DTD1: variants seen among roughly 807,000 people sequenced by gnomAD.
The protein encoded by DTD1 is D-tyrosyl-tRNA deacylase 1 homolog.
In DTD1, 13 loss-of-function variants were observed where a neutral mutation model predicts 25.6. The ratio of observed to expected loss-of-function variants is 0.51; its 90% CI spans 0.33 to 0.81. The LOEUF is 0.81. Ranked by LOEUF, DTD1 falls within the 30% of genes least tolerant of loss-of-function variation. The pLI is 0.02. For missense variants in DTD1, 193 were observed against 266.4 expected (o/e 0.72, Z 1.92); for synonymous variants, 110 against 103.6 (o/e 1.06, Z -0.37).
intron 4 of DTD1, among the ~76,000 whole-genome samples, chr20:18,707,292 G>GT (rs1162555128): frequency 1.3e-5 from 2 of 152,176 alleles, no homozygotes; most frequent in East Asian, 1.9e-4. Context: ...TCATTTCAAG[G>GT]TTTTTTCCAT....
chr20:18,747,751 G>A (rs562585260), intron 5 of DTD1, among the ~76,000 whole-genome samples: 35 of 151,914 alleles, frequency 2.3e-4, no homozygotes, highest in Non-Finnish European at 5.0e-4. Flanking sequence ...GGTGGCTCAC[G>A]CCTGTAATCC....
rs1338293172 is a variant in DTD1 at position 18,749,920 on chromosome 20, A to G, written c.*19+5649A>G. ...CCACGTTTTGTTTATACCGATGTAT[A>G]TGGTACTGTCTGGGTTTTGGACAAA... On this transcript the variant is annotated intron_variant, in intron 5 of 5. Coordinates refer to ENST00000377452, the MANE Select transcript of DTD1 (RefSeq NM_080820.6). The surrounding 1 kb of genome is among the most constrained non-coding windows in gnomAD (Gnocchi z 4.2). Among the ~76,000 whole-genome samples the G allele has an allele frequency of 1.3e-5, 2 of 152,212 alleles. No homozygotes were observed. The highest frequency in any genetic ancestry group is 4.8e-5 in the African/African-American group (2 of 41,458).
intron 4 of DTD1, among the ~76,000 whole-genome samples, chr20:18,638,942 T>C (rs780931176): frequency 2.0e-5 from 3 of 152,262 alleles, no homozygotes; most frequent in Admixed American, 6.5e-5. Context: ...GGTTCTTTCA[T>C]ACTGTGGCTT....
intron 5 of DTD1, among the ~76,000 whole-genome samples, chr20:18,748,911 G>T (rs534211347): frequency 6.8e-6 from 1 of 147,914 alleles, no homozygotes; most frequent in East Asian, 1.9e-4. Context: ...GACCCCACGG[G>T]AAGTGTTTGG....
intron 4 of DTD1, among the ~76,000 whole-genome samples, chr20:18,654,119 A>G (rs939401849): frequency 3.9e-5 from 6 of 152,198 alleles, no homozygotes; most frequent in Non-Finnish European, 5.9e-5. Flanking sequence ...TGGGTGGATG[A>G]TATGTTTTGG....
At chr20:18,728,299 A>G (rs536007366) in intron 4 of DTD1, among the ~76,000 whole-genome samples, 16 of 152,278 alleles carry the variant, frequency 1.1e-4, no homozygotes, top group African/African-American at 3.6e-4. Context: ...TCAGTGGCAC[A>G]GCAAGACCTG....
rs1286508476 is a variant in DTD1 at position 18,763,471 on chromosome 20, G to A, written c.*131G>A. The A allele has an allele frequency of 5.2e-5, 8 of 152,640 alleles. No homozygotes were observed. Among genetic ancestry groups the A allele is most frequent in the Non-Finnish European group, 7.3e-5 (5 of 68,036 alleles). The allele number at this position is 152,640 out of a possible 1,614,324, so 9.5% of individuals were successfully genotyped here. On this transcript the variant is annotated 3_prime_UTR_variant, in exon 6 of 6. Transcript: ENST00000377452. ...AAGAGGAAGACAGAAATAAGAATTTGGGAACCTGAATAGCTCTGCAAAAAA... is the reference window on the plus strand; with the variant it reads ...AAGAGGAAGACAGAAATAAGAATTTAGGAACCTGAATAGCTCTGCAAAAAA...
In DTD1 at chr20:18,596,306, A is replaced by G; in HGVS notation, c.370+65A>G. 2 of 1,343,336 alleles carry G rather than the reference A, an allele frequency of 1.5e-6. 1 individual carries two copies. Among genetic ancestry groups the G allele is most frequent in the East Asian group, 4.8e-5 (2 of 41,928 alleles). 83.2% of individuals were successfully genotyped at this position (1,343,336 alleles called of 1,614,324 possible). A position where few individuals can be genotyped will look rare whatever the true frequency, so the allele number is the denominator to read the frequency against. ...CACTCCTGGATGGAGAGAAAAAAGA[A>G]GCTGCAACTGCAGCATCTCCTTTTC... On this transcript the variant is annotated intron_variant, in intron 3 of 5. Coordinates refer to ENST00000377452, the MANE Select transcript of DTD1 (RefSeq NM_080820.6).
chr20:18,749,632 C>T lies in DTD1; in HGVS notation c.*19+5361C>T, dbSNP rs1384802339. Among the ~76,000 whole-genome samples, 9 of 152,154 alleles carry T rather than the reference C, an allele frequency of 5.9e-5. No homozygotes were observed. The highest frequency in any genetic ancestry group is 4.1e-4 in the South Asian group (2 of 4,826). On this transcript the variant is annotated intron_variant, in intron 5 of 5. Coordinates refer to ENST00000377452, the MANE Select transcript of DTD1 (RefSeq NM_080820.6). The surrounding 1 kb of genome is among the most constrained non-coding windows in gnomAD (Gnocchi z 4.2). The stretch of plus-strand genomic sequence containing the variant: ...TGAGATATGCTGGTGAGAACTGAGA[C>T]GAGGCCAGGTCAGCCAGAGAGGGCC...
intron 3 of DTD1, among the ~76,000 whole-genome samples, chr20:18,607,344 A>G (rs2060664178): frequency 6.6e-6 from 1 of 152,104 alleles, no homozygotes; most frequent in Non-Finnish European, 1.5e-5. Context: ...TATTTTTAAT[A>G]GAGACGGGGT....
At chr20:18,667,687 A>G (rs2060937025) in intron 4 of DTD1, among the ~76,000 whole-genome samples, 1 of 152,170 alleles carries the variant, frequency 6.6e-6, no homozygotes, top group South Asian at 2.1e-4. Context: ...CGTCTGCCTT[A>G]TGAACTGACC....
intron 4 of DTD1, among the ~76,000 whole-genome samples, chr20:18,685,506 A>G (rs1360119837): frequency 6.6e-6 from 1 of 152,142 alleles, no homozygotes; most frequent in Non-Finnish European, 1.5e-5. Context: ...GGTATGGCAG[A>G]CATCCTTGGG....
At chr20:18,660,291 C>A (rs910528126) in intron 4 of DTD1, among the ~76,000 whole-genome samples, 1 of 152,170 alleles carries the variant, frequency 6.6e-6, no homozygotes, top group African/African-American at 2.4e-5. Flanking sequence ...GTGATCATGG[C>A]TTACTGCAGC....
chr20:18,661,371 C>CTTT (rs565601536), intron 4 of DTD1, among the ~76,000 whole-genome samples: 18,537 of 119,986 alleles, frequency 0.15, 1,816 homozygotes, highest in Admixed American at 0.18. Flanking sequence ...GTCTTCTAGT[C>CTTT]TTTTTTTTTT....
chr20:18,677,913 A>T (rs2060982520), intron 4 of DTD1, among the ~76,000 whole-genome samples: 1 of 152,262 alleles, frequency 6.6e-6, no homozygotes, highest in South Asian at 2.1e-4. Context: ...TAGTGGATAC[A>T]CAAGTGTGAT....
chr20:18,592,982 CATA>C (rs1180546036), intron 1 of DTD1, among the ~76,000 whole-genome samples: 1 of 152,118 alleles, frequency 6.6e-6, no homozygotes, highest in Non-Finnish European at 1.5e-5. Flanking sequence ...ATGCCCGGCC[CATA>C]ATGATGCATC....
intron 4 of DTD1, chr20:18,632,228 A>G: frequency 1.0e-6 from 1 of 985,422 alleles, no homozygotes; most frequent in South Asian, 4.7e-5. Flanking sequence ...TTAACTTATA[A>G]GGATTAAAAA....
chr20:18,600,029 G>A (rs1434106677), intron 3 of DTD1, among the ~76,000 whole-genome samples: 1 of 152,036 alleles, frequency 6.6e-6, no homozygotes, highest in African/African-American at 2.4e-5. Context: ...TATTTCTTTT[G>A]TAAATATTTT....
chr20:18,748,615 T>TA (rs2122527110), intron 5 of DTD1, among the ~76,000 whole-genome samples: 1 of 152,112 alleles, frequency 6.6e-6, no homozygotes, highest in Non-Finnish European at 1.5e-5. Flanking sequence ...TCACAGAACA[T>TA]ACAGGAGAAC....
Sources: gnomAD v4.1 joint callset for allele counts (sites outside exome capture counted in the v4.1 genomes callset) on GRCh38, gnomAD v4.1.1 for gene constraint, Gnocchi (gnomAD v3.1) non-coding constraint, MANE v1.5 for transcripts, NCBI Gene and HGNC (gene_info 2026-07-23, HGNC 2026-07-21) for gene names.